The following RNF128 variants were observed in gnomAD, a reference collection of about 807,000 sequenced individuals.
RNF128 encodes ring finger protein 128, also known as E3 ubiquitin-protein ligase RNF128.
RNF128 carries 13 observed loss-of-function variants against 26.2 expected under a neutral mutation model. That is an observed-to-expected ratio of 0.50 (90% confidence interval 0.32 to 0.79). RNF128 has a LOEUF of 0.79. RNF128 is among the 30% of genes least tolerant of loss of function. The pLI, the probability that RNF128 is intolerant of heterozygous loss-of-function variation, is 0.03. For synonymous variants in RNF128, 149 were observed against 142.5 expected (o/e 1.05, Z -0.32); for missense variants, 315 against 349.7 (o/e 0.90, Z 0.79).
chrX:106,777,707 C>T (rs1471614560), intron 2 of RNF128, among the ~76,000 whole-genome samples: 2 of 111,907 alleles, frequency 1.8e-5, no homozygotes, highest in Non-Finnish European at 3.8e-5. Flanking sequence ...TTTTCTCTCA[C>T]ACCTGTCGTA....
At chrX:106,764,261 G>A (rs939690566) in intron 1 of RNF128, among the ~76,000 whole-genome samples, 5 of 110,053 alleles carry the variant, frequency 4.5e-5, no homozygotes, top group South Asian at 4.1e-4. Context: ...CACCACGCCC[G>A]GCCTTGTTTT....
At chrX:106,768,766 T>C (rs1930305539) in intron 1 of RNF128, among the ~76,000 whole-genome samples, 1 of 111,764 alleles carries the variant, frequency 8.9e-6, no homozygotes. Context: ...AGCTTTTGAA[T>C]GTGTTTGCTC....
intron 1 of RNF128, among the ~76,000 whole-genome samples, chrX:106,766,212 A>G (rs1186861285): frequency 9.0e-6 from 1 of 111,702 alleles, no homozygotes; most frequent in Non-Finnish European, 1.9e-5. Flanking sequence ...ATGATTTATA[A>G]TCCTTTGGGT....
At chrX:106,698,441 A>G (rs1928905568) in intron 1 of RNF128, among the ~76,000 whole-genome samples, 1 of 111,480 alleles carries the variant, frequency 9.0e-6, no homozygotes, top group Non-Finnish European at 1.9e-5. Context: ...GCAAACTCAC[A>G]TGCTTTATAA....
chrX:106,790,725 C>T (rs145670563), intron 5 of RNF128, among the ~76,000 whole-genome samples: 8 of 110,841 alleles, frequency 7.2e-5, no homozygotes, highest in African/African-American at 2.6e-4. Context: ...TGGGAAGGTA[C>T]ATAGATGACA....
At chrX:106,704,775 T>C (rs1245620482) in intron 1 of RNF128, among the ~76,000 whole-genome samples, 4 of 111,698 alleles carry the variant, frequency 3.6e-5, no homozygotes. Flanking sequence ...GTAAACAAAT[T>C]AGCTTCCATT....
At chrX:106,783,715 G>T (rs1930604071) in intron 2 of RNF128, among the ~76,000 whole-genome samples, 1 of 111,647 alleles carries the variant, frequency 9.0e-6, no homozygotes, top group Non-Finnish European at 1.9e-5. Context: ...AAAGAAAAGA[G>T]GTTGATTTAC....
At chrX:106,719,635 G>T (rs972044383) in intron 1 of RNF128, among the ~76,000 whole-genome samples, 1 of 111,649 alleles carries the variant, frequency 9.0e-6, no homozygotes, top group East Asian at 2.8e-4. Context: ...GCAATGGCAA[G>T]ATCATAGATA....
chrX:106,731,774 T>C (rs1205433068), intron 1 of RNF128, among the ~76,000 whole-genome samples: 1 of 111,852 alleles, frequency 8.9e-6, no homozygotes, highest in Non-Finnish European at 1.9e-5. Flanking sequence ...CTGTTGATTC[T>C]GGCACTTTAA....
chrX:106,696,345 A>AT (rs1415028188), intron 1 of RNF128, among the ~76,000 whole-genome samples: 1 of 111,170 alleles, frequency 9.0e-6, no homozygotes, highest in African/African-American at 3.3e-5. Context: ...GTGCCATTGG[A>AT]TTTTTTCCTT....
intron 1 of RNF128, among the ~76,000 whole-genome samples, chrX:106,769,782 T>G (rs1207179111): frequency 9.0e-6 from 1 of 110,764 alleles, no homozygotes. Flanking sequence ...GTGAATTTGA[T>G]CCTGTCATTA....
At chrX:106,776,127 G>A (rs985413088) in intron 2 of RNF128, among the ~76,000 whole-genome samples, 13 of 112,506 alleles carry the variant, frequency 1.2e-4, no homozygotes, top group African/African-American at 3.2e-4. Context: ...CCTAACTTGA[G>A]ACAAGAAAGA....
intron 1 of RNF128, among the ~76,000 whole-genome samples, chrX:106,760,231 A>G (rs1930096046): frequency 8.9e-6 from 1 of 112,005 alleles, no homozygotes; most frequent in Non-Finnish European, 1.9e-5. Context: ...ATTCCTAAAA[A>G]TAGCAGATAA....
intron 1 of RNF128, among the ~76,000 whole-genome samples, chrX:106,759,157 C>T (rs751383527): frequency 8.9e-6 from 1 of 111,747 alleles, no homozygotes; most frequent in East Asian, 2.8e-4. Context: ...AGAAGACATA[C>T]AAAAGGCAAA....
Position 106,693,929 on chromosome X carries a change from G to A in RNF128, c.-74G>A, listed in dbSNP as rs781526670. On this transcript the variant is annotated 5_prime_UTR_variant, in exon 1 of 7. Coordinates refer to the RNF128 transcript ENST00000324342. The stretch of plus-strand genomic sequence containing the variant: ...TTTCAAACTTCTGTTCAGCAGGGAC[G>A]TGAGTGGACAATGGTGACTGATAGT... 2.9e-5 allele frequency: 28 copies of A among 954,458 alleles called. No individual in the cohort carries two copies. In the East Asian group the frequency reaches 5.6e-4, roughly 19 times the overall value. 78.7% of individuals were successfully genotyped at this position (954,458 alleles called of 1,213,427 possible). A position where few individuals can be genotyped will look rare whatever the true frequency, so the allele number is the denominator to read the frequency against.
chrX:106,747,619 A>G (rs1217839887), intron 1 of RNF128, among the ~76,000 whole-genome samples: 1 of 111,695 alleles, frequency 9.0e-6, no homozygotes, highest in Non-Finnish European at 1.9e-5. Context: ...TCTCTCTCCC[A>G]AACTGTAGAC....
chrX:106,710,134 T>A, intron 1 of RNF128, among the ~76,000 whole-genome samples: 1 of 112,117 alleles, frequency 8.9e-6, no homozygotes. Context: ...CATGTTCTAC[T>A]GAACTATGAA....
chrX:106,790,282 G>C lies in RNF128; in HGVS notation c.984G>C (p.Glu328Asp). 8.8e-7 allele frequency: 1 copy of C among 1,134,472 alleles called. No homozygotes were observed. The highest frequency in any genetic ancestry group is 1.8e-5 in the African/African-American group (1 of 56,120). The allele number at this position is 1,134,472 out of a possible 1,213,427, so 93.5% of individuals were successfully genotyped here. ...KCDILKALGIEVDVEDGSVSL... is the reference protein window; with the variant it reads ...KCDILKALGIDVDVEDGSVSL... ...ACATACTCAAAGCTTTGGGAATTGA[G>C]GTAAACATTAATATGTTATTTATAT... The change falls in exon 5 of 7, where the codon GAG (glutamate) becomes GAC (aspartate). Residue 328 changes from glutamate (E) to aspartate (D), a missense_variant and splice_region_variant. Coordinates refer to ENST00000255499, the MANE Select transcript of RNF128 (RefSeq NM_194463.2).
intron 1 of RNF128, among the ~76,000 whole-genome samples, chrX:106,732,981 A>G (rs768873566): frequency 2.7e-4 from 30 of 111,507 alleles, no homozygotes; most frequent in Non-Finnish European, 4.9e-4. Flanking sequence ...TATGGATTCA[A>G]CCAACTGAGG....
Sources: gnomAD v4.1 joint callset for allele counts (sites outside exome capture counted in the v4.1 genomes callset) on GRCh38, gnomAD v4.1.1 for gene constraint, MANE v1.5 for transcripts, NCBI Gene and HGNC (gene_info 2026-07-23, HGNC 2026-07-21) for gene names.